The following ABLIM2 variants were observed in gnomAD, a reference collection of about 807,000 sequenced individuals.
The protein encoded by ABLIM2 is actin binding LIM protein family member 2.
ABLIM2 carries 53 observed loss-of-function variants against 97.7 expected under a neutral mutation model. The ratio of observed to expected loss-of-function variants is 0.54; its 90% CI spans 0.44 to 0.68. The LOEUF (loss-of-function observed/expected upper bound fraction) is 0.68. Ranked by LOEUF, ABLIM2 falls within the 30% of genes least tolerant of loss-of-function variation. The probability of loss-of-function intolerance (pLI) is 0.00; values close to 1 mark genes in which losing one functional copy is unlikely to be tolerated. For missense variants in ABLIM2, 835 were observed against 867.2 expected (o/e 0.96, Z 0.47); for synonymous variants, 361 against 345.8 (o/e 1.04, Z -0.49).
intron 6 of ABLIM2, among the ~76,000 whole-genome samples, chr4:8,070,565 G>T (rs1811285194): frequency 6.6e-6 from 1 of 152,154 alleles, no homozygotes; most frequent in Non-Finnish European, 1.5e-5. Context: ...CAGACAGGAG[G>T]AAGCAAAGAA....
chr4:8,034,492 G>GGGT (rs1782980188), intron 10 of ABLIM2, among the ~76,000 whole-genome samples: 2 of 93,842 alleles, frequency 2.1e-5, no homozygotes, highest in African/African-American at 4.4e-5. Context: ...GGGTGCAGGT[G>GGGT]GGTGGGTGGT....
intron 1 of ABLIM2, among the ~76,000 whole-genome samples, chr4:8,141,378 A>G (rs1850961477): frequency 6.6e-6 from 1 of 152,158 alleles, no homozygotes; most frequent in Admixed American, 6.5e-5. Flanking sequence ...GGCAAATCAC[A>G]GCCACACATG....
intron 5 of ABLIM2, among the ~76,000 whole-genome samples, chr4:8,078,308 A>G (rs1817614029): frequency 1.3e-5 from 2 of 152,214 alleles, no homozygotes; most frequent in South Asian, 4.1e-4. Flanking sequence ...AAAGAGCAGG[A>G]GGGCTGCACG....
intron 7 of ABLIM2, among the ~76,000 whole-genome samples, chr4:8,057,260 A>G (rs1799895942): frequency 6.6e-6 from 1 of 151,656 alleles, no homozygotes; most frequent in African/African-American, 2.4e-5. Flanking sequence ...CACCACACCC[A>G]GTTTTAGTAG....
chr4:8,141,929 GC>G (rs1179464805), intron 1 of ABLIM2, among the ~76,000 whole-genome samples: 2 of 152,108 alleles, frequency 1.3e-5, no homozygotes, highest in African/African-American at 4.8e-5. Context: ...GAGGGGGAGG[GC>G]CCCCCCAGCT....
intron 10 of ABLIM2, among the ~76,000 whole-genome samples, chr4:8,030,352 G>A (rs972467227): frequency 1.8e-4 from 28 of 152,286 alleles, no homozygotes; most frequent in African/African-American, 5.5e-4. Flanking sequence ...GTGGGGTGGC[G>A]TGGCACCATG....
intron 1 of ABLIM2, among the ~76,000 whole-genome samples, chr4:8,151,313 T>C (rs996664058): frequency 1.4e-4 from 21 of 152,162 alleles, no homozygotes; most frequent in African/African-American, 4.8e-4. Context: ...AAGCTGCTGA[T>C]GGCGAGAAGC....
intron 7 of ABLIM2, among the ~76,000 whole-genome samples, chr4:8,056,309 T>C (rs1156609608): frequency 7.5e-5 from 11 of 147,532 alleles, no homozygotes; most frequent in South Asian, 6.5e-4. Flanking sequence ...TTCTTTCTTT[T>C]TTTTTTTTTT....
intron 1 of ABLIM2, among the ~76,000 whole-genome samples, chr4:8,131,740 A>T (rs113375829): frequency 0.032 from 562 of 17,736 alleles, no homozygotes; most frequent in Admixed American, 0.036. Context: ...CCGCATCCCC[A>T]GCACAGCAGC....
At chr4:8,143,889 G>C (rs889901814) in intron 1 of ABLIM2, among the ~76,000 whole-genome samples, 1 of 152,190 alleles carries the variant, frequency 6.6e-6, no homozygotes, top group South Asian at 2.1e-4. Flanking sequence ...CAGCAGGCTG[G>C]GGGGTCTTCT....
rs1397208310 is a variant in ABLIM2, at chr4:8,043,163, TA to T, written c.900+2000del. ...CCAGACCTTGTCTCAAAACCAAAACTAAAAAGGACAGTCCTCCCTGGGTCTT... is the reference window on the plus strand; with the variant it reads ...CCAGACCTTGTCTCAAAACCAAAACTAAAAGGACAGTCCTCCCTGGGTCTT... On this transcript the variant is annotated intron_variant, in intron 9 of 20. Coordinates refer to ENST00000447017, the MANE Select transcript of ABLIM2 (RefSeq NM_001130083.2). This position sits in a 1 kb window ranked among gnomAD's most constrained non-coding sequence, Gnocchi z 4.8. 6.6e-6 allele frequency among the ~76,000 whole-genome samples: 1 copy of T among 151,982 alleles called. No homozygotes were observed. Among genetic ancestry groups the T allele is most frequent in the East Asian group, 1.9e-4 (1 of 5,164 alleles).
intron 1 of ABLIM2, among the ~76,000 whole-genome samples, chr4:8,156,275 T>C (rs1715302817): frequency 6.8e-6 from 1 of 147,718 alleles, no homozygotes; most frequent in South Asian, 2.1e-4. Flanking sequence ...TGCAGTGAGA[T>C]GAAGCTACAC....
intron 14 of ABLIM2, among the ~76,000 whole-genome samples, chr4:8,018,034 A>G (rs1304523356): frequency 6.6e-6 from 1 of 151,862 alleles, no homozygotes; most frequent in Non-Finnish European, 1.5e-5. Context: ...TGGAGACAGT[A>G]AAATCTAATC....
In ABLIM2 at chr4:8,128,729, T is replaced by C. The variant is rs1181454732; in HGVS notation, c.11-22092A>G. On this transcript the variant is annotated intron_variant, in intron 1 of 20. Transcript: ENST00000447017. This position sits in a 1 kb window ranked among gnomAD's most constrained non-coding sequence, Gnocchi z 4.9. The stretch of plus-strand genomic sequence containing the variant: ...TATCCTAAACCCCAGTGTGACAGGA[T>C]TTGGAGGCGGGACCTTTGGGAGGAA... Among the ~76,000 whole-genome samples, 2 of 152,038 alleles carry C rather than the reference T, an allele frequency of 1.3e-5. No individual in the cohort carries two copies. The highest frequency in any genetic ancestry group is 4.8e-5 in the African/African-American group (2 of 41,402).
Position 8,123,905 on chromosome 4 carries a change from A to G in ABLIM2, c.11-17268T>C, listed in dbSNP as rs1055082397. On this transcript the variant is annotated intron_variant, in intron 1 of 20. Coordinates refer to ENST00000447017, the MANE Select transcript of ABLIM2 (RefSeq NM_001130083.2). The surrounding 1 kb of genome is among the most constrained non-coding windows in gnomAD (Gnocchi z 6.2). ...CTGGAGACACGGTTCCTTTGGGTTC[A>G]ATGACAAAAATAACTTCATTTTGAT... 5.9e-5 allele frequency among the ~76,000 whole-genome samples: 9 copies of G among 152,282 alleles called. No individual in the cohort carries two copies. The highest frequency in any genetic ancestry group is 2.2e-4 in the African/African-American group (9 of 41,564).
rs548202408 is a variant in ABLIM2, at chr4:7,984,829, C to A, written c.1735+10G>T. 17 of 1,593,088 alleles carry A rather than the reference C, an allele frequency of 1.1e-5. 1 individual carries two copies. In the South Asian group the frequency reaches 1.8e-4, roughly 17 times the overall value. On this transcript the variant is annotated intron_variant, in intron 18 of 20. Coordinates refer to ENST00000447017, the MANE Select transcript of ABLIM2 (RefSeq NM_001130083.2). ...CAGCCAGAGACCCACAGGGTCCCCG[C>A]TCTGTGTACCTCGCATGCCCCAGCT...
intron 8 of ABLIM2, among the ~76,000 whole-genome samples, chr4:8,048,895 T>C (rs1453006526): frequency 6.6e-6 from 1 of 151,914 alleles, no homozygotes; most frequent in Non-Finnish European, 1.5e-5. Context: ...CCTTCACCGT[T>C]CTCGGGGCTT....
At chr4:8,092,292 C>T (rs1252182220) in intron 3 of ABLIM2, among the ~76,000 whole-genome samples, 3 of 152,076 alleles carry the variant, frequency 2.0e-5, no homozygotes, top group Admixed American at 6.6e-5. Context: ...GTCACCACAC[C>T]TGGCCCATTT....
At chr4:8,097,389 G>A (rs775017817) in intron 2 of ABLIM2, 107 bp from the exon 3 acceptor site, 4 of 1,349,350 alleles carry the variant, frequency 3.0e-6, no homozygotes, top group Non-Finnish European at 3.0e-6. Context: ...CCTGACACAG[G>A]CACTGAGGCC....
Sources: allele counts gnomAD v4.1 joint callset (sites outside exome capture counted in the v4.1 genomes callset), GRCh38; gene constraint gnomAD v4.1.1; non-coding constraint Gnocchi (gnomAD v3.1); transcripts MANE v1.5; gene names NCBI Gene and HGNC (gene_info 2026-07-23, HGNC 2026-07-21).